Variants in PRKDC observed in about 807,000 individuals in gnomAD.
The protein encoded by PRKDC is DNA-dependent protein kinase catalytic subunit.
Under a neutral mutation model 486.9 loss-of-function variants are expected in PRKDC, and 82 were observed. The observed-to-expected ratio is 0.17, with a 90% confidence interval of 0.14 to 0.20. The LOEUF (loss-of-function observed/expected upper bound fraction) is 0.20, where lower values mean the gene tolerates loss of function less well. Ranked by LOEUF, PRKDC falls within the 10% of genes least tolerant of loss-of-function variation. The pLI, the probability that PRKDC is intolerant of heterozygous loss-of-function variation, is 1.00. For synonymous variants in PRKDC, 1,895 were observed against 1,837.0 expected (o/e 1.03, Z -0.81); for missense variants, 4,504 against 5,038.2 (o/e 0.89, Z 3.21).
rs1432083490 is a variant in PRKDC, at chr8:47,943,319, G to A, written c.856C>T (p.Leu286Phe). 5.6e-6 allele frequency: 9 copies of A among 1,612,114 alleles called. No individual in the cohort carries two copies. The highest frequency in any genetic ancestry group is 2.2e-5 in the East Asian group (1 of 44,868). ...ALHASQFSTC[L>F]LDNYVSLFEV... Reference sequence around the variant, plus strand: ...AATAGAGACACGTAGTTGTCCAGAAGGCAGGTGCTAAACTGAGATGCATGC... The same window carrying A: ...AATAGAGACACGTAGTTGTCCAGAAAGCAGGTGCTAAACTGAGATGCATGC... Residue 286 changes from leucine (L) to phenylalanine (F), a missense_variant, in exon 10 of 86, where the codon CTT (leucine) becomes TTT (phenylalanine). Physicochemically the swap from Leu to Phe is conservative, Grantham distance 22. Coordinates refer to ENST00000314191, the MANE Select transcript of PRKDC (RefSeq NM_006904.7).
At chr8:47,857,035 T>A in intron 49 of PRKDC, 121 bp downstream of exon 49, 1 of 1,121,690 alleles carries the variant, frequency 8.9e-7, no homozygotes, top group Non-Finnish European at 1.2e-6. Flanking sequence ...ACCAGCAATG[T>A]AGCAACAAAT....
At chr8:47,885,760 C>T (rs545276484) in intron 36 of PRKDC, among the ~76,000 whole-genome samples, 184 bp downstream of exon 36, 30 of 152,004 alleles carry the variant, frequency 2.0e-4, no homozygotes, top group African/African-American at 6.0e-4. Context: ...GGTGTGGTGG[C>T]GGGTGCCTGT....
rs369403838 is a variant in PRKDC, at chr8:47,798,263, C to T, written c.10432G>A (p.Glu3478Lys). 6.2e-7 allele frequency: 1 copy of T among 1,613,620 alleles called. No homozygotes were observed. Among genetic ancestry groups the T allele is most frequent in the Non-Finnish European group, 8.5e-7 (1 of 1,179,792 alleles). Reference protein sequence around the residue: ...LLQIIERYPEETLSLMTKEIS... With the variant: ...LLQIIERYPEKTLSLMTKEIS... ...TCTTTTGTCATGAGGCTCAAAGTCT[C>T]CTCTGGATACCGTTCTATAATCTGA... Residue 3478 changes from glutamate to lysine, a missense_variant, in exon 73 of 86, where the codon GAG becomes AAG. Physicochemically the swap from Glu to Lys is moderately conservative, Grantham distance 56. This residue lies in a region of PRKDC where 706 missense variants were observed against 945.0 expected (regional missense o/e 0.75). Transcript: ENST00000314191.
At chr8:47,841,121 T>C (rs1231725873) in intron 54 of PRKDC, among the ~76,000 whole-genome samples, 1 of 152,152 alleles carries the variant, frequency 6.6e-6, no homozygotes, top group Non-Finnish European at 1.5e-5. Context: ...CAATCCACGC[T>C]CGCCGTGGAG....
intron 56 of PRKDC, among the ~76,000 whole-genome samples, chr8:47,837,945 G>A (rs1282378456): frequency 6.6e-6 from 1 of 152,108 alleles, no homozygotes; most frequent in Non-Finnish European, 1.5e-5. Flanking sequence ...AGACCAGCCT[G>A]ACCAACATGG....
chr8:47,951,901 A>G (rs1174969158), intron 7 of PRKDC, among the ~76,000 whole-genome samples: 1 of 152,152 alleles, frequency 6.6e-6, no homozygotes, highest in Non-Finnish European at 1.5e-5. Context: ...GGAAATCAAA[A>G]CCACGAGATA....
intron 40 of PRKDC, among the ~76,000 whole-genome samples, chr8:47,876,460 G>A (rs1358990987): frequency 2.6e-5 from 4 of 151,972 alleles, no homozygotes; most frequent in South Asian, 2.1e-4. Flanking sequence ...TCAGGAGTTC[G>A]GAACCAGCCT....
rs2087748382 is a variant in PRKDC at position 47,826,806 on chromosome 8, G to C, written c.8633C>G (p.Ala2878Gly). Residue 2878 changes from alanine to glycine, a missense_variant, in exon 63 of 86, where the codon GCT (alanine) becomes GGT (glycine). By Grantham distance (60) the Ala-to-Gly change is moderately conservative. Around this residue, in one of 6 missense-constraint regions of PRKDC, gnomAD observed 1,592 missense variants for 1,724.6 expected, o/e 0.92. Transcript: ENST00000314191. ...CTGCTGTAGGCTGGCCAGGCAACCA[G>C]CGCTAACAGCCGCTGGGTCGAGGCT... The part of the protein sequence containing the change: ...LLSLDPAAVS[A>G]GCLASLQQPV... The C allele has an allele frequency of 6.2e-7, 1 of 1,607,038 alleles. No individual in the cohort carries two copies. The highest frequency in any genetic ancestry group is 1.1e-5 in the South Asian group (1 of 89,996).
chr8:47,901,732 C>CA (rs1340958733), intron 27 of PRKDC, among the ~76,000 whole-genome samples: 1 of 152,120 alleles, frequency 6.6e-6, no homozygotes, highest in Non-Finnish European at 1.5e-5. Context: ...CCAACATAGA[C>CA]ACAGGTCTGG....
intron 15 of PRKDC, 122 bp downstream of exon 15, chr8:47,933,843 G>A: frequency 9.5e-7 from 1 of 1,050,502 alleles, no homozygotes; most frequent in Non-Finnish European, 1.3e-6. Context: ...TATTTTTGAA[G>A]TACACTGTTT....
At position 47,864,577 on chromosome 8, in the gene PRKDC, C is replaced by A. The variant is rs774776599; in HGVS notation, c.5550G>T (p.Val1850=). The change falls in exon 41 of 86, where the codon GTG becomes GTT. Residue 1850 remains valine (V), a synonymous_variant. Transcript: ENST00000314191. Reference sequence around the variant, plus strand: ...ATACCTTTGTAAACCTGGACTTCAACACATCAATGGCATCCACCACAATTG... The same window carrying A: ...ATACCTTTGTAAACCTGGACTTCAAAACATCAATGGCATCCACCACAATTG... The part of the protein sequence containing the change: ...FSTIVVDAID[V]LKSRFTKLNE... The A allele has an allele frequency of 9.3e-6, 15 of 1,609,284 alleles. No homozygotes were observed. The East Asian group carries it at 3.1e-4, about 34-fold the overall frequency.
At position 47,943,860 on chromosome 8, in the gene PRKDC, C is replaced by T; in HGVS notation, c.801G>A (p.Val267=). The stretch of plus-strand genomic sequence containing the variant: ...TTATAAACAGAATCCTACCTGAGGG[C>T]ACAGCATATCTCTTCAGATCAATCT... The part of the protein sequence containing the change: ...RPQIDLKRYA[V]PSAGLRLFAL... The change falls in exon 9 of 86, where the codon GTG becomes GTA. Residue 267 remains valine, a synonymous_variant. Coordinates refer to ENST00000314191, the MANE Select transcript of PRKDC (RefSeq NM_006904.7). 1 of 1,589,752 alleles carries T rather than the reference C, an allele frequency of 6.3e-7. No homozygotes were observed. The highest frequency in any genetic ancestry group is 8.6e-7 in the Non-Finnish European group (1 of 1,165,126).
intron 66 of PRKDC, among the ~76,000 whole-genome samples, chr8:47,820,124 T>C (rs569630717): frequency 6.6e-6 from 1 of 152,278 alleles, no homozygotes; most frequent in South Asian, 2.1e-4. Flanking sequence ...TAGAAAAGTC[T>C]ACTCTTGGTC....
At chr8:47,786,723 CTTTTTTTTTTT>C (rs5891257) in intron 76 of PRKDC, among the ~76,000 whole-genome samples, 3 of 88,248 alleles carry the variant, frequency 3.4e-5, no homozygotes, top group African/African-American at 1.4e-4. Context: ...ATTATTTAAT[CTTTTTTTTTTT>C]TTTTTTTTTT....
chr8:47,883,177 T>C (rs1322720293), intron 36 of PRKDC, among the ~76,000 whole-genome samples: 2 of 152,210 alleles, frequency 1.3e-5, no homozygotes, highest in Non-Finnish European at 2.9e-5. Flanking sequence ...TAATGGATAA[T>C]CCAGCTGGAT....
chr8:47,839,283 G>T (rs368063635), intron 55 of PRKDC, 37 bp from the exon 56 acceptor site: 533 of 1,426,996 alleles, frequency 3.7e-4, no homozygotes, highest in Non-Finnish European at 4.8e-4. Flanking sequence ...CAACATTAAT[G>T]CTCTCTTCTG....
chr8:47,955,953 GT>G lies in PRKDC; in HGVS notation c.325-6del. On this transcript the variant is annotated splice_region_variant and splice_polypyrimidine_tract_variant and intron_variant, in intron 3 of 85. Transcript: ENST00000314191. ...ATAAACACTGGTACAAGTGTTCTAGGTTTTAAAAAAAAAATAACCAAAATCA... is the reference window on the plus strand; with the variant it reads ...ATAAACACTGGTACAAGTGTTCTAGGTTTAAAAAAAAAATAACCAAAATCA... 1 of 1,569,240 alleles carries G rather than the reference GT, an allele frequency of 6.4e-7. No homozygotes were observed. The highest frequency in any genetic ancestry group is 8.7e-7 in the Non-Finnish European group (1 of 1,152,452).
At chr8:47,855,044 A>AGGGT (rs1193078590) in intron 50 of PRKDC, among the ~76,000 whole-genome samples, 178 bp downstream of exon 50, 5 of 152,294 alleles carry the variant, frequency 3.3e-5, no homozygotes, top group African/African-American at 1.2e-4. Context: ...GGGCCACTGG[A>AGGGT]GGGTGCGAGA....
At chr8:47,872,809 G>A (rs942356438) in intron 40 of PRKDC, among the ~76,000 whole-genome samples, 4 of 152,250 alleles carry the variant, frequency 2.6e-5, no homozygotes, top group African/African-American at 9.6e-5. Context: ...AGAGCTAAAG[G>A]GGTGAGACAG....
Sources: allele counts gnomAD v4.1 joint callset (sites outside exome capture counted in the v4.1 genomes callset), GRCh38; gene constraint gnomAD v4.1.1; regional missense constraint gnomAD v4.1.1; transcripts MANE v1.5; gene names NCBI Gene and HGNC (gene_info 2026-07-23, HGNC 2026-07-21).